Variants in SEZ6L2 observed in about 807,000 individuals in gnomAD.
SEZ6L2 encodes seizure 6-like protein 2.
SEZ6L2 carries 44 observed loss-of-function variants against 97.0 expected under a neutral mutation model. The observed-to-expected ratio is 0.45, with a 90% CI of 0.36 to 0.58. The LOEUF (loss-of-function observed/expected upper bound fraction) is 0.58. Ranked by LOEUF, SEZ6L2 falls within the 20% of genes least tolerant of loss-of-function variation. The pLI, the probability that SEZ6L2 is intolerant of heterozygous loss-of-function variation, is 0.00. For synonymous variants in SEZ6L2, 543 were observed against 546.1 expected, an observed-to-expected ratio of 0.99 and a Z score of 0.08; for missense variants, 1,086 against 1,233.3, an observed-to-expected ratio of 0.88 and a Z score of 1.79.
intron 8 of SEZ6L2, among the ~76,000 whole-genome samples, chr16:29,883,713 CTT>C (rs2068073939): frequency 6.6e-6 from 1 of 152,108 alleles, no homozygotes; most frequent in Admixed American, 6.6e-5. Flanking sequence ...GGGAGGATCA[CTT>C]CAGCTCAGTA....
chr16:29,895,980 T>G, intron 3 of SEZ6L2, 120 bp from the exon 4 acceptor site: 1 of 1,117,052 alleles, frequency 9.0e-7, no homozygotes, highest in East Asian at 2.5e-5. Flanking sequence ...TTGTTTTGTT[T>G]GAGACAGGGT....
At chr16:29,887,887 C>A (rs773330314) in intron 6 of SEZ6L2, 70 bp from the exon 7 acceptor site, 11 of 1,537,906 alleles carry the variant, frequency 7.2e-6, no homozygotes, top group Admixed American at 1.9e-5. Context: ...GGCCTCGGCC[C>A]GTTTTCAGAA....
At chr16:29,897,180 G>A in intron 2 of SEZ6L2, 59 bp from the exon 3 acceptor site, 1 of 1,399,834 alleles carries the variant, frequency 7.1e-7, no homozygotes, top group Non-Finnish European at 9.5e-7. Context: ...CCTTGGGTGG[G>A]GAGCAGGGCT....
At chr16:29,883,358 GCACAGTGGTGCAATCATAGCT>G (rs1331829605) in intron 8 of SEZ6L2, among the ~76,000 whole-genome samples, 1 of 151,934 alleles carries the variant, frequency 6.6e-6, no homozygotes, top group Non-Finnish European at 1.5e-5. Flanking sequence ...CCAGGCTGGA[GCACAGTGGTGCAATCATAGCT>G]CACTGCAACC....
intron 5 of SEZ6L2, among the ~76,000 whole-genome samples, chr16:29,891,343 C>T (rs1224961129): frequency 2.6e-5 from 4 of 151,542 alleles, no homozygotes; most frequent in Non-Finnish European, 5.9e-5. Context: ...GGATTACAGG[C>T]GTGAGCCACC....
chr16:29,871,811 TG>T (rs2067789020), intron 17 of SEZ6L2, 83 bp from the exon 18 acceptor site: 21 of 1,314,512 alleles, frequency 1.6e-5, no homozygotes, highest in Non-Finnish European at 2.2e-5. Context: ...GCAACGATCC[TG>T]GGTTTTAAAG....
chr16:29,878,188 C>G, intron 10 of SEZ6L2, 99 bp downstream of exon 10: 1 of 1,382,906 alleles, frequency 7.2e-7, no homozygotes, highest in Admixed American at 2.3e-5. Flanking sequence ...TGGATAGATA[C>G]GCAAGAGCCA....
intron 5 of SEZ6L2, among the ~76,000 whole-genome samples, chr16:29,891,850 T>A (rs1453811891): frequency 6.6e-6 from 1 of 152,130 alleles, no homozygotes; most frequent in Non-Finnish European, 1.5e-5. Flanking sequence ...CAGGGAAGAT[T>A]GGCCTGAAAA....
chr16:29,894,229 A>G (rs2068331666), intron 5 of SEZ6L2, among the ~76,000 whole-genome samples: 1 of 152,204 alleles, frequency 6.6e-6, no homozygotes, highest in Non-Finnish European at 1.5e-5. Flanking sequence ...CATAATACTA[A>G]GTATTGTGAT....
chr16:29,880,075 G>A lies in SEZ6L2; in HGVS notation c.1373-11C>T. The A allele has an allele frequency of 1.9e-6, 3 of 1,613,288 alleles. No homozygotes were observed. The highest frequency in any genetic ancestry group is 2.5e-6 in the Non-Finnish European group (3 of 1,179,524). ...GATCCTCCTCAAAGGCTGGGAAGGA[G>A]TCAGTCATAACAATTAAGCATTAGG... is the stretch of plus-strand genomic sequence containing the variant. On this transcript the variant is annotated splice_polypyrimidine_tract_variant and intron_variant, in intron 8 of 17. Coordinates refer to ENST00000617533, the MANE Select transcript of SEZ6L2 (RefSeq NM_001243332.2).
chr16:29,878,866 A>G (rs1386178199), intron 9 of SEZ6L2, among the ~76,000 whole-genome samples: 2 of 145,528 alleles, frequency 1.4e-5, no homozygotes, highest in African/African-American at 2.6e-5. Context: ...TGGCCTCCCA[A>G]AGTGCTGGGA....
At chr16:29,887,305 CTTT>C (rs1037378473) in intron 7 of SEZ6L2, among the ~76,000 whole-genome samples, 1 of 140,458 alleles carries the variant, frequency 7.1e-6, no homozygotes, top group Non-Finnish European at 1.6e-5. Context: ...GTGGGGACTT[CTTT>C]TTTTTTTTTT....
intron 5 of SEZ6L2, among the ~76,000 whole-genome samples, chr16:29,891,912 A>T (rs899114811): frequency 1.3e-5 from 2 of 152,166 alleles, no homozygotes; most frequent in Non-Finnish European, 2.9e-5. Context: ...TGCTGAGAAA[A>T]CGTTAATCAC....
In SEZ6L2 at chr16:29,877,477, G is replaced by A. The variant is rs767740872; in HGVS notation, c.1713-10C>T. 6.3e-7 allele frequency: 1 copy of A among 1,575,494 alleles called. No individual in the cohort carries two copies. Among genetic ancestry groups the A allele is most frequent in the Admixed American group, 1.8e-5 (1 of 55,944 alleles). ...TTCCCGCACATTCAATCTGCAGGGG[G>A]TGAGACCAGGCAATGGGGCGGGGCT... On this transcript the variant is annotated splice_polypyrimidine_tract_variant and intron_variant, in intron 10 of 17. Coordinates refer to ENST00000617533, the MANE Select transcript of SEZ6L2 (RefSeq NM_001243332.2).
Position 29,899,218 on chromosome 16 carries a change from C to T in SEZ6L2, c.-199G>A, listed in dbSNP as rs2068479384. 1.8e-6 allele frequency: 1 copy of T among 571,046 alleles called. No homozygotes were observed. Among genetic ancestry groups the T allele is most frequent in the Non-Finnish European group, 3.1e-6 (1 of 325,314 alleles). The allele number at this position is 571,046 out of a possible 1,614,324, so 35.4% of individuals were successfully genotyped here. On this transcript the variant is annotated 5_prime_UTR_variant, in exon 1 of 18. In the 5' UTR this introduces an upstream ATG that the reference lacks. Transcript: ENST00000617533. The stretch of plus-strand genomic sequence containing the variant: ...TGGGCTAGGGGTCGCCTGGAGCCCA[C>T]CCCCCTTTGCTCAGTCTCCTCTGTC...
Position 29,872,606 on chromosome 16 carries a change from C to T in SEZ6L2, c.2528-80G>A, listed in dbSNP as rs947232227. The T allele has an allele frequency of 7.5e-6, 12 of 1,598,998 alleles. No individual in the cohort carries two copies. The Admixed American group carries it at 1.0e-4, about 13-fold the overall frequency. On this transcript the variant is annotated intron_variant, in intron 15 of 17. Transcript: ENST00000617533. ...CCAGCCTCCTGCCCTGGGCCTCAAACCCTGGGCTTCATCCCTCCAAGGCCT... is the reference window on the plus strand; with the variant it reads ...CCAGCCTCCTGCCCTGGGCCTCAAATCCTGGGCTTCATCCCTCCAAGGCCT...
intron 7 of SEZ6L2, 136 bp downstream of exon 7, chr16:29,887,513 C>T (rs2068170847): frequency 8.9e-6 from 6 of 672,726 alleles, no homozygotes; most frequent in South Asian, 7.0e-5. Flanking sequence ...GGGGTTTCAC[C>T]GTGTTAGCCA....
chr16:29,871,604 G>T lies in SEZ6L2; in HGVS notation c.*95C>A. 1 of 1,268,040 alleles carries T rather than the reference G, an allele frequency of 7.9e-7. No homozygotes were observed. The highest frequency in any genetic ancestry group is 1.1e-6 in the Non-Finnish European group (1 of 887,006). 78.5% of individuals were successfully genotyped at this position (1,268,040 alleles called of 1,614,324 possible). The stretch of plus-strand genomic sequence containing the variant: ...AGACTATTTACACAGCCAGGGAGGA[G>T]GGCAGCCAGGAGGCAGAGACCGGGT... On this transcript the variant is annotated 3_prime_UTR_variant, in exon 18 of 18. Transcript: ENST00000617533.
At position 29,871,675 on chromosome 16, in the gene SEZ6L2, G is replaced by A. The variant is rs749853915; in HGVS notation, c.*24C>T. ...AATGAGGAGGGGAGGGGCGTCCTGG[G>A]TCCTGCAGCTGTAGTCTTGGGGTTC... On this transcript the variant is annotated 3_prime_UTR_variant, in exon 18 of 18. Coordinates refer to ENST00000617533, the MANE Select transcript of SEZ6L2 (RefSeq NM_001243332.2). 18 of 1,605,230 alleles carry A rather than the reference G, an allele frequency of 1.1e-5. No individual in the cohort carries two copies. Among genetic ancestry groups the A allele is most frequent in the African/African-American group, 2.7e-5 (2 of 74,736 alleles).
Sources: allele counts gnomAD v4.1 joint callset (sites outside exome capture counted in the v4.1 genomes callset), GRCh38; gene constraint gnomAD v4.1.1; transcripts MANE v1.5; gene names NCBI Gene and HGNC (gene_info 2026-07-23, HGNC 2026-07-21).